The following ADD3 variants were observed in gnomAD, a reference collection of about 807,000 sequenced individuals.
ADD3 encodes adducin 3.
ADD3 carries 25 observed loss-of-function variants against 80.2 expected under a neutral mutation model. The ratio of observed to expected loss-of-function variants is 0.31; its 90% CI spans 0.23 to 0.44. ADD3 has a LOEUF of 0.44. Ranked by LOEUF, ADD3 falls within the 20% of genes least tolerant of loss-of-function variation. The pLI, the probability that ADD3 is intolerant of heterozygous loss-of-function variation, is 1.00. For synonymous variants in ADD3, 284 were observed against 289.6 expected (o/e 0.98, Z 0.20); for missense variants, 829 against 847.5 (o/e 0.98, Z 0.27).
At chr10:110,083,680 G>A (rs923705138) in intron 1 of ADD3, among the ~76,000 whole-genome samples, 2 of 152,126 alleles carry the variant, frequency 1.3e-5, no homozygotes, top group Admixed American at 6.5e-5. Flanking sequence ...GCCCCAGGCT[G>A]ATAGCTAAGT....
intron 2 of ADD3, among the ~76,000 whole-genome samples, chr10:110,108,357 C>G (rs989971324): frequency 1.3e-5 from 2 of 152,132 alleles, no homozygotes; most frequent in Non-Finnish European, 2.9e-5. Context: ...TTCAGAGATA[C>G]AATCCAAGTC....
chr10:110,130,264 A>G, intron 12 of ADD3, 99 bp from the exon 13 acceptor site: 1 of 1,233,466 alleles, frequency 8.1e-7, no homozygotes, highest in Non-Finnish European at 1.1e-6. Context: ...AGGCTTCACA[A>G]ACATCATATT....
At chr10:110,024,026 A>AGG (rs1853993745) in intron 1 of ADD3, among the ~76,000 whole-genome samples, 1 of 152,150 alleles carries the variant, frequency 6.6e-6, no homozygotes, top group African/African-American at 2.4e-5. Context: ...GGCAGAAGAG[A>AGG]GGGAGGGGAT....
intron 2 of ADD3, among the ~76,000 whole-genome samples, chr10:110,102,916 T>G (rs1848988916): frequency 6.6e-6 from 1 of 152,228 alleles, no homozygotes; most frequent in South Asian, 2.1e-4. Context: ...AGTAAAAATT[T>G]TACTTATGCC....
chr10:110,084,770 T>C (rs1450842443), intron 1 of ADD3, among the ~76,000 whole-genome samples: 2 of 152,250 alleles, frequency 1.3e-5, no homozygotes, highest in Non-Finnish European at 2.9e-5. Flanking sequence ...AGAGTTCTTA[T>C]TTATATTTAC....
At chr10:110,017,771 C>T (rs138764549) in intron 1 of ADD3, among the ~76,000 whole-genome samples, 7 of 152,202 alleles carry the variant, frequency 4.6e-5, no homozygotes, top group East Asian at 3.9e-4. Context: ...CCATACCTTA[C>T]GTGTATGTAC....
intron 1 of ADD3, among the ~76,000 whole-genome samples, chr10:110,069,316 A>G (rs1422246213): frequency 1.3e-5 from 2 of 152,222 alleles, no homozygotes; most frequent in Non-Finnish European, 2.9e-5. Flanking sequence ...GTGTGGAAGC[A>G]TCTTAAACAT....
At chr10:110,018,657 C>T (rs1326895375) in intron 1 of ADD3, among the ~76,000 whole-genome samples, 1 of 151,784 alleles carries the variant, frequency 6.6e-6, no homozygotes, top group East Asian at 1.9e-4. Flanking sequence ...GGATTTTGGC[C>T]AGAAATTACT....
At chr10:110,032,239 C>T (rs1392499501) in intron 1 of ADD3, among the ~76,000 whole-genome samples, 1 of 152,172 alleles carries the variant, frequency 6.6e-6, no homozygotes, top group Non-Finnish European at 1.5e-5. Flanking sequence ...CTCTTAATGG[C>T]CATGTCCTTG....
chr10:109,999,175 C>T (rs566380842), intron 1 of ADD3, among the ~76,000 whole-genome samples: 7 of 152,118 alleles, frequency 4.6e-5, no homozygotes, highest in South Asian at 2.1e-4. Context: ...TTGGGGACTA[C>T]GTACATTCTA....
At chr10:110,020,162 G>A (rs1853504885) in intron 1 of ADD3, among the ~76,000 whole-genome samples, 1 of 152,106 alleles carries the variant, frequency 6.6e-6, no homozygotes, top group African/African-American at 2.4e-5. Context: ...GCAGCTCGGT[G>A]CATCCTTTAT....
chr10:110,052,737 T>C (rs941925927), intron 1 of ADD3, among the ~76,000 whole-genome samples: 7 of 152,216 alleles, frequency 4.6e-5, no homozygotes, highest in Non-Finnish European at 7.3e-5. Flanking sequence ...AATAAGTGAA[T>C]AGTTTTATTT....
intron 1 of ADD3, among the ~76,000 whole-genome samples, chr10:110,056,470 G>A (rs1858207793): frequency 6.6e-6 from 1 of 152,170 alleles, no homozygotes; most frequent in Non-Finnish European, 1.5e-5. Context: ...AAACTGTTTT[G>A]AAGATGACAG....
Position 110,013,082 on chromosome 10 carries a change from G to T in ADD3, c.-30+4783G>T, listed in dbSNP as rs530173871. Among the ~76,000 whole-genome samples, 9 of 152,138 alleles carry T rather than the reference G, an allele frequency of 5.9e-5. No homozygotes were observed. The South Asian group carries it at 1.7e-3, about 28-fold the overall frequency. ...GACTACCTCTTCAAACAAGGCTACGGTTTTTTTGGATTTTTAGGTTTTTGT... is the reference window on the plus strand; with the variant it reads ...GACTACCTCTTCAAACAAGGCTACGTTTTTTTTGGATTTTTAGGTTTTTGT... On this transcript the variant is annotated intron_variant, in intron 1 of 14. Transcript: ENST00000356080.
intron 2 of ADD3, among the ~76,000 whole-genome samples, chr10:110,102,806 G>T (rs1377547767): frequency 6.6e-6 from 1 of 152,160 alleles, no homozygotes; most frequent in African/African-American, 2.4e-5. Flanking sequence ...TTTTATGCCA[G>T]GGTTTTTGTC....
At chr10:110,084,329 T>C (rs1460073615) in intron 1 of ADD3, among the ~76,000 whole-genome samples, 1 of 152,228 alleles carries the variant, frequency 6.6e-6, no homozygotes, top group East Asian at 1.9e-4. Context: ...CCCTTTAAAA[T>C]CAAGAAATTG....
intron 8 of ADD3, among the ~76,000 whole-genome samples, chr10:110,120,724 G>A (rs1483958130): frequency 6.6e-6 from 1 of 152,106 alleles, no homozygotes; most frequent in East Asian, 1.9e-4. Context: ...AAAGCTGGAG[G>A]CATCACACTA....
chr10:110,015,199 T>C (rs938407120), intron 1 of ADD3, among the ~76,000 whole-genome samples: 9 of 152,172 alleles, frequency 5.9e-5, no homozygotes, highest in Admixed American at 4.6e-4. Flanking sequence ...TGTCTGCTTG[T>C]TAAATTTCGA....
In ADD3 at chr10:110,124,242, A is replaced by G. The variant is rs1237984016; in HGVS notation, c.1369A>G (p.Asn457Asp). The G allele has an allele frequency of 6.2e-7, 1 of 1,614,106 alleles. No homozygotes were observed. Among genetic ancestry groups the G allele is most frequent in the Non-Finnish European group, 8.5e-7 (1 of 1,180,024 alleles). ...AGTGAATGTGCCTGAGGAGTCTCGG[A>G]ACGGAGAAACCAGTCCCCGAACCAA... is the stretch of plus-strand genomic sequence containing the variant. Reference protein sequence around the residue: ...MKVNVPEESRNGETSPRTKIT... With the variant: ...MKVNVPEESRDGETSPRTKIT... Residue 457 changes from asparagine to aspartate, a missense_variant, in exon 10 of 15, where the codon AAC becomes GAC. By Grantham distance (23) the Asn-to-Asp change is conservative. Coordinates refer to ENST00000356080, the MANE Select transcript of ADD3 (RefSeq NM_016824.5).
Sources: allele counts gnomAD v4.1 joint callset (sites outside exome capture counted in the v4.1 genomes callset), GRCh38; gene constraint gnomAD v4.1.1; transcripts MANE v1.5; gene names NCBI Gene and HGNC (gene_info 2026-07-23, HGNC 2026-07-21).